PCCA: variants seen among roughly 807,000 people sequenced by gnomAD.
PCCA encodes the protein propionyl-CoA carboxylase alpha chain, mitochondrial.
A neutral mutation model predicts 101.3 loss-of-function variants in PCCA; 74 were observed. The observed-to-expected ratio is 0.73, with a 90% confidence interval of 0.61 to 0.89. The LOEUF is 0.89. PCCA is among the 40% of genes least tolerant of loss of function. The probability of loss-of-function intolerance (pLI) is 0.00; values close to 1 mark genes in which losing one functional copy is unlikely to be tolerated. For missense variants in PCCA, 891 were observed against 907.0 expected (o/e 0.98, Z 0.23); for synonymous variants, 294 against 313.6 (o/e 0.94, Z 0.66).
chr13:100,459,409 G>A (rs2082026467), intron 21 of PCCA, among the ~76,000 whole-genome samples: 1 of 152,074 alleles, frequency 6.6e-6, no homozygotes, highest in South Asian at 2.1e-4. Flanking sequence ...TACAAACAGA[G>A]CATTACTTCT....
At chr13:100,301,753 T>C in intron 13 of PCCA, 150 bp downstream of exon 13, 1 of 951,232 alleles carries the variant, frequency 1.1e-6, no homozygotes, top group Non-Finnish European at 1.7e-6. Flanking sequence ...AAAAATTAGA[T>C]AATTTTGACC....
intron 6 of PCCA, among the ~76,000 whole-genome samples, chr13:100,191,575 C>T (rs1370072449): frequency 6.6e-6 from 1 of 152,218 alleles, no homozygotes. Flanking sequence ...AAGGCAGGCT[C>T]CACAGTCCCT....
At chr13:100,253,151 C>T (rs1433743585) in intron 8 of PCCA, among the ~76,000 whole-genome samples, 1 of 152,154 alleles carries the variant, frequency 6.6e-6, no homozygotes, top group East Asian at 1.9e-4. Flanking sequence ...ATAAGACATA[C>T]ATGCACTTAT....
chr13:100,368,880 A>G (rs1002917481), intron 19 of PCCA, among the ~76,000 whole-genome samples: 7 of 152,240 alleles, frequency 4.6e-5, no homozygotes, highest in African/African-American at 1.4e-4. Context: ...TACAGTTCCA[A>G]ATGTATGATA....
intron 19 of PCCA, among the ~76,000 whole-genome samples, chr13:100,415,557 G>GT (rs2078309152): frequency 6.6e-6 from 1 of 152,098 alleles, no homozygotes; most frequent in Non-Finnish European, 1.5e-5. Flanking sequence ...CAACAAATCG[G>GT]TTTTTTATCC....
intron 21 of PCCA, among the ~76,000 whole-genome samples, chr13:100,498,910 A>T (rs2085466918): frequency 6.6e-6 from 1 of 152,154 alleles, no homozygotes; most frequent in Non-Finnish European, 1.5e-5. Flanking sequence ...GGTAGAGAGA[A>T]ATTTTGTATT....
intron 7 of PCCA, among the ~76,000 whole-genome samples, chr13:100,232,334 A>ATG (rs749169180): frequency 0.022 from 2,419 of 108,924 alleles, 22 homozygotes; most frequent in Middle Eastern, 0.03. Flanking sequence ...GTTTATGTTT[A>ATG]TGTGTGTGTG....
intron 6 of PCCA, chr13:100,161,475 C>T (rs1300419988): frequency 6.6e-6 from 1 of 152,124 alleles, no homozygotes; most frequent in African/African-American, 2.4e-5. Context: ...GTCATTGGTC[C>T]TCAGTTACAA....
intron 6 of PCCA, among the ~76,000 whole-genome samples, chr13:100,192,127 G>A (rs1436425555): frequency 6.6e-6 from 1 of 152,132 alleles, no homozygotes; most frequent in African/African-American, 2.4e-5. Flanking sequence ...GTTGATAATT[G>A]CAATATTGCC....
intron 1 of PCCA, among the ~76,000 whole-genome samples, chr13:100,096,082 G>A (rs1263297817): frequency 6.6e-6 from 1 of 152,072 alleles, no homozygotes; most frequent in African/African-American, 2.4e-5. Flanking sequence ...TCTTGCTGTG[G>A]GGTTTGAAGG....
intron 21 of PCCA, among the ~76,000 whole-genome samples, chr13:100,464,722 G>T (rs1029100451): frequency 6.6e-6 from 1 of 152,182 alleles, no homozygotes; most frequent in Non-Finnish European, 1.5e-5. Context: ...CCTTGTGGTG[G>T]CAGGGTGCTT....
intron 19 of PCCA, among the ~76,000 whole-genome samples, chr13:100,377,427 T>G (rs991619876): frequency 6.7e-6 from 1 of 148,964 alleles, no homozygotes; most frequent in Non-Finnish European, 1.5e-5. Flanking sequence ...GTGAAGTGTG[T>G]TTCTTGCAGG....
At chr13:100,132,074 G>T (rs1367504009) in intron 4 of PCCA, among the ~76,000 whole-genome samples, 1 of 152,152 alleles carries the variant, frequency 6.6e-6, no homozygotes, top group Non-Finnish European at 1.5e-5. Flanking sequence ...CAGAAAGTTA[G>T]ATAGGGCTAA....
chr13:100,214,035 C>G (rs552140984), intron 7 of PCCA, among the ~76,000 whole-genome samples: 2 of 152,152 alleles, frequency 1.3e-5, no homozygotes, highest in Non-Finnish European at 1.5e-5. Flanking sequence ...AGTGAATTCA[C>G]TATAGATATA....
chr13:100,179,341 C>T (rs1417987600), intron 6 of PCCA, among the ~76,000 whole-genome samples: 2 of 151,810 alleles, frequency 1.3e-5, no homozygotes, highest in Non-Finnish European at 2.9e-5. Flanking sequence ...GGTTTTAAGG[C>T]ATAAGAGAAA....
chr13:100,281,341 T>C (rs2064101252), intron 12 of PCCA, among the ~76,000 whole-genome samples: 1 of 152,224 alleles, frequency 6.6e-6, no homozygotes, highest in Admixed American at 6.5e-5. Context: ...TCAAAAGTTA[T>C]GGCCACAGTG....
chr13:100,497,896 T>G (rs1273065843), intron 21 of PCCA, among the ~76,000 whole-genome samples: 1 of 151,888 alleles, frequency 6.6e-6, no homozygotes. Flanking sequence ...AGACACAGGG[T>G]CTCACTCTGT....
intron 19 of PCCA, among the ~76,000 whole-genome samples, chr13:100,371,894 T>C (rs1407352868): frequency 1.3e-5 from 2 of 152,212 alleles, no homozygotes; most frequent in Non-Finnish European, 2.9e-5. Flanking sequence ...TATGGTCAAA[T>C]GGCTTTTGAC....
intron 7 of PCCA, 127 bp from the exon 8 acceptor site, chr13:100,235,715 G>A (rs1396169978): frequency 1.4e-6 from 1 of 718,484 alleles, no homozygotes; most frequent in Non-Finnish European, 2.6e-6. Flanking sequence ...AATGAAAAGG[G>A]TTAGAAGGTA....
Sources: allele counts gnomAD v4.1 joint callset (sites outside exome capture counted in the v4.1 genomes callset), GRCh38; gene constraint gnomAD v4.1.1; transcripts MANE v1.5; gene names NCBI Gene and HGNC (gene_info 2026-07-23, HGNC 2026-07-21).